ELL: variants seen among roughly 807,000 people sequenced by gnomAD.
ELL encodes RNA polymerase II elongation factor ELL.
A neutral mutation model predicts 64.0 loss-of-function variants in ELL; 18 were observed. That is an observed-to-expected ratio of 0.28 (90% CI 0.19 to 0.42). The LOEUF is 0.42. ELL is among the 10% of genes least tolerant of loss of function. ELL has a pLI of 1.00. For synonymous variants in ELL, 399 were observed against 376.2 expected (o/e 1.06, Z -0.70); for missense variants, 797 against 870.4 (o/e 0.92, Z 1.06).
At chr19:18,461,960 G>T in intron 4 of ELL, 108 bp from the exon 5 acceptor site, 1 of 1,391,498 alleles carries the variant, frequency 7.2e-7, no homozygotes, top group Non-Finnish European at 9.8e-7. Flanking sequence ...AGTGCTGGTG[G>T]GAGGCACCAC....
At chr19:18,491,790 A>G (rs1975539072) in intron 1 of ELL, among the ~76,000 whole-genome samples, 1 of 152,080 alleles carries the variant, frequency 6.6e-6, no homozygotes, top group Non-Finnish European at 1.5e-5. Flanking sequence ...GATGGCACAC[A>G]CCTGTGGTCC....
At position 18,501,105 on chromosome 19, in the gene ELL, G is replaced by A. The variant is rs1019466810; in HGVS notation, c.135+20816C>T. Among the ~76,000 whole-genome samples, 2 of 152,018 alleles carry A rather than the reference G, an allele frequency of 1.3e-5. No individual in the cohort carries two copies. The highest frequency in any genetic ancestry group is 2.4e-5 in the African/African-American group (1 of 41,376). ...GTGGGCGCACACCCAGGAGAAGAACGAGCGGGCCACGACACTGTTCTCGCC... is the reference window on the plus strand; with the variant it reads ...GTGGGCGCACACCCAGGAGAAGAACAAGCGGGCCACGACACTGTTCTCGCC... On this transcript the variant is annotated intron_variant, in intron 1 of 11. Transcript: ENST00000262809. The surrounding 1 kb of genome is among the most constrained non-coding windows in gnomAD (Gnocchi z 4.5).
At chr19:18,474,321 T>C (rs998337713) in intron 1 of ELL, among the ~76,000 whole-genome samples, 3 of 152,220 alleles carry the variant, frequency 2.0e-5, no homozygotes, top group African/African-American at 7.2e-5. Flanking sequence ...ATGACATGCA[T>C]AGTGCCCAGA....
In ELL at chr19:18,504,427, T is replaced by TGAGCTCAGCA. The variant is rs566753330; in HGVS notation, c.135+17493_135+17494insTGCTGAGCTC. ...ACATTTTCTACAGAGCTCAGCATTC[T>TGAGCTCAGCA]TCAACTCCCATCTGAAATTGCCATG... On this transcript the variant is annotated intron_variant, in intron 1 of 11. Transcript: ENST00000262809. Among the ~76,000 whole-genome samples the TGAGCTCAGCA allele has an allele frequency of 9.4e-3, 1,428 of 152,320 alleles. 12 individuals carry two copies. The highest frequency in any genetic ancestry group is 0.02 in the Middle Eastern group (6 of 294).
In ELL at chr19:18,450,687, G is replaced by C; in HGVS notation, c.1255C>G (p.Pro419Ala). ...AGGCCGAGGCGCACAGTGGGGGCTGGGGCAGCCGCCTCTCCGTGCTCACAG... is the reference window on the plus strand; with the variant it reads ...AGGCCGAGGCGCACAGTGGGGGCTGCGGCAGCCGCCTCTCCGTGCTCACAG... ...RDCEHGEAAA[P>A]APTVRLGLPL... Residue 419 changes from proline (P) to alanine (A), a missense_variant, in exon 8 of 12, where the codon CCA (proline) becomes GCA (alanine). By Grantham distance (27) the Pro-to-Ala change is conservative. Coordinates refer to ENST00000262809, the MANE Select transcript of ELL (RefSeq NM_006532.4). The C allele has an allele frequency of 6.3e-7, 1 of 1,584,872 alleles. No individual in the cohort carries two copies. The highest frequency in any genetic ancestry group is 8.6e-7 in the Non-Finnish European group (1 of 1,166,346).
At chr19:18,497,366 G>A (rs1206213477) in intron 1 of ELL, among the ~76,000 whole-genome samples, 1 of 152,200 alleles carries the variant, frequency 6.6e-6, no homozygotes, top group Non-Finnish European at 1.5e-5. Context: ...AGCGGGCAGA[G>A]GGGAGGAAGG....
rs1974328153 is a variant in ELL at position 18,443,084 on chromosome 19, T to C, written c.*1668A>G. On this transcript the variant is annotated 3_prime_UTR_variant, in exon 12 of 12. Transcript: ENST00000262809. The stretch of plus-strand genomic sequence containing the variant: ...GGCAGAGGGGCGGGCAGTCCCGGGC[T>C]GGGACCTCCTGAAATCATCCCACCT... The C allele has an allele frequency of 4.3e-6, 1 of 232,266 alleles. No homozygotes were observed. The highest frequency in any genetic ancestry group is 1.8e-4 in the South Asian group (1 of 5,530). 14.4% of individuals were successfully genotyped at this position (232,266 alleles called of 1,614,324 possible). A position where few individuals can be genotyped will look rare whatever the true frequency, so the allele number is the denominator to read the frequency against.
At chr19:18,511,574 T>TCCA (rs928334807) in intron 1 of ELL, among the ~76,000 whole-genome samples, 3 of 152,116 alleles carry the variant, frequency 2.0e-5, no homozygotes, top group African/African-American at 7.2e-5. Flanking sequence ...ATGTGGTCCA[T>TCCA]CCACACCACA....
rs959438496 is a variant in ELL, at chr19:18,452,835, A to G, written c.870-1187T>C. On this transcript the variant is annotated intron_variant, in intron 6 of 11. Transcript: ENST00000262809. ...GAAACAGGGCCCAGGACTAGGGCACATCGGGATTCAGAGGCCCCAAGCTGT... is the reference window on the plus strand; with the variant it reads ...GAAACAGGGCCCAGGACTAGGGCACGTCGGGATTCAGAGGCCCCAAGCTGT... 8.5e-5 allele frequency among the ~76,000 whole-genome samples: 13 copies of G among 152,372 alleles called. No homozygotes were observed. The East Asian group carries it at 2.3e-3, about 27-fold the overall frequency.
At chr19:18,447,520 AG>A (rs562754366) in intron 8 of ELL, among the ~76,000 whole-genome samples, 2 of 152,238 alleles carry the variant, frequency 1.3e-5, no homozygotes, top group Non-Finnish European at 2.9e-5. Context: ...TCGCCCCTTC[AG>A]GGGCCTGCCC....
At chr19:18,515,247 C>T (rs149747709) in intron 1 of ELL, among the ~76,000 whole-genome samples, 1 of 152,368 alleles carries the variant, frequency 6.6e-6, no homozygotes, top group East Asian at 1.9e-4. Context: ...TCTTCTAGCA[C>T]CTTCTGGGAG....
rs551338878 is a variant in ELL at position 18,482,427 on chromosome 19, CCTGCCT to C, written c.136-9551_136-9546del. Among the ~76,000 whole-genome samples, 729 of 146,658 alleles carry C rather than the reference CCTGCCT, an allele frequency of 5.0e-3. 5 individuals are homozygous for C. The highest frequency in any genetic ancestry group is 0.039 in the South Asian group (180 of 4,660). ...CCGCCTCCTGGGTTGAAGCAATTCT[CCTGCCT>C]CTGCCTCTGCCTCTGCCTCTGCCTC... On this transcript the variant is annotated intron_variant, in intron 1 of 11. Coordinates refer to ENST00000262809, the MANE Select transcript of ELL (RefSeq NM_006532.4).
chr19:18,459,662 G>C (rs1045840884), intron 5 of ELL, among the ~76,000 whole-genome samples: 3 of 152,018 alleles, frequency 2.0e-5, no homozygotes, highest in Non-Finnish European at 4.4e-5. Flanking sequence ...TGGGACTACA[G>C]GCACCCGCCA....
chr19:18,510,551 C>T (rs1975997144), intron 1 of ELL, among the ~76,000 whole-genome samples: 1 of 152,158 alleles, frequency 6.6e-6, no homozygotes, highest in Admixed American at 6.5e-5. Context: ...CTGCTCGAGA[C>T]CTTCCTCTGT....
intron 5 of ELL, among the ~76,000 whole-genome samples, chr19:18,459,504 C>A (rs1005333729): frequency 6.6e-6 from 1 of 151,660 alleles, no homozygotes; most frequent in Non-Finnish European, 1.5e-5. Context: ...TGCGTCACAG[C>A]GTATCCCATG....
rs753682927 is a variant in ELL, at chr19:18,450,851, G to C, written c.1091C>G (p.Ala364Gly). ...GKLGVPNGRE[A>G]LLPTPGPPAS... ...TGGTGGGCCCGGGGTGGGCAGCAAG[G>C]CCTCACGGCCATTGGGCACGCCCAG... The change falls in exon 8 of 12, where the codon GCC becomes GGC. Residue 364 changes from alanine (A) to glycine (G), a missense_variant. Physicochemically the swap from Ala to Gly is moderately conservative, Grantham distance 60. Coordinates refer to ENST00000262809, the MANE Select transcript of ELL (RefSeq NM_006532.4). The C allele has an allele frequency of 6.3e-6, 10 of 1,590,962 alleles. No individual in the cohort carries two copies. The South Asian group carries it at 1.1e-4, about 18-fold the overall frequency.
intron 1 of ELL, among the ~76,000 whole-genome samples, chr19:18,495,586 A>C (rs972059915): frequency 5.9e-5 from 9 of 152,084 alleles, no homozygotes; most frequent in South Asian, 2.1e-4. Context: ...CAGCTGAAGG[A>C]GGAGGGCCGA....
chr19:18,451,836 G>C (rs905404063), intron 6 of ELL, among the ~76,000 whole-genome samples, 188 bp from the exon 7 acceptor site: 1 of 152,158 alleles, frequency 6.6e-6, no homozygotes, highest in Non-Finnish European at 1.5e-5. Flanking sequence ...TTCACCCAAA[G>C]GAGGACTTCC....
rs559676975 is a variant in ELL at position 18,501,271 on chromosome 19, T to C, written c.135+20650A>G. 1.3e-5 allele frequency among the ~76,000 whole-genome samples: 2 copies of C among 148,426 alleles called. No homozygotes were observed. Among genetic ancestry groups the C allele is most frequent in the Non-Finnish European group, 3.0e-5 (2 of 66,886 alleles). ...CATGGACCACAGAGAGTAACGCAAG[T>C]GGGCAAAACACATGAGAAGCCACCA... On this transcript the variant is annotated intron_variant, in intron 1 of 11. Transcript: ENST00000262809. This position sits in a 1 kb window ranked among gnomAD's most constrained non-coding sequence, Gnocchi z 4.5.
Sources: gnomAD v4.1 joint callset for allele counts (sites outside exome capture counted in the v4.1 genomes callset) on GRCh38, gnomAD v4.1.1 for gene constraint, Gnocchi (gnomAD v3.1) non-coding constraint, MANE v1.5 for transcripts, NCBI Gene and HGNC (gene_info 2026-07-23, HGNC 2026-07-21) for gene names.